Variants in TASP1 observed in about 807,000 individuals in gnomAD.
TASP1 encodes threonine aspartase 1.
In TASP1, 16 loss-of-function variants were observed where a neutral mutation model predicts 56.6. The ratio of observed to expected loss-of-function variants is 0.28; its 90% CI spans 0.19 to 0.43. The LOEUF (loss-of-function observed/expected upper bound fraction) is 0.43, where lower values mean the gene tolerates loss of function less well. TASP1 is among the 20% of genes least tolerant of loss of function. TASP1 has a pLI of 1.00. For missense variants in TASP1, 393 were observed against 511.6 expected (o/e 0.77, Z 2.24); for synonymous variants, 179 against 184.2 (o/e 0.97, Z 0.23).
chr20:13,559,798 T>C (rs1477023964), intron 7 of TASP1, among the ~76,000 whole-genome samples: 1 of 152,098 alleles, frequency 6.6e-6, no homozygotes, highest in African/African-American at 2.4e-5. Flanking sequence ...TGGCCTTAAC[T>C]TACCCAGACC....
At chr20:13,627,726 TTAG>T (rs1043672697) in intron 2 of TASP1, among the ~76,000 whole-genome samples, 4 of 80,072 alleles carry the variant, frequency 5.0e-5, no homozygotes, top group Non-Finnish European at 8.6e-5. Context: ...AGAGCGAAAC[TTAG>T]TCTTAAAAAA....
At chr20:13,493,920 G>T (rs942532342) in intron 10 of TASP1, among the ~76,000 whole-genome samples, 7 of 151,994 alleles carry the variant, frequency 4.6e-5, no homozygotes, top group African/African-American at 1.7e-4. Context: ...GAGCATCAGG[G>T]ACAAATGAAC....
At position 13,550,412 on chromosome 20, in the gene TASP1, T is replaced by C. The variant is rs1057366464; in HGVS notation, c.675+8596A>G. Reference sequence around the variant, plus strand: ...TCTACTGATTTACATGTAAAATCTGTAGGCTCATCCAGTAATCAAGATAGT... The same window carrying C: ...TCTACTGATTTACATGTAAAATCTGCAGGCTCATCCAGTAATCAAGATAGT... On this transcript the variant is annotated intron_variant, in intron 8 of 13. Coordinates refer to ENST00000337743, the MANE Select transcript of TASP1 (RefSeq NM_017714.3). Among the ~76,000 whole-genome samples the C allele has an allele frequency of 2.6e-5, 4 of 152,004 alleles. No individual in the cohort carries two copies. The East Asian group carries it at 5.8e-4, about 22-fold the overall frequency.
the TASP1 span, among the ~76,000 whole-genome samples, chr20:13,371,479 T>TATTA: frequency 6.6e-6 from 1 of 151,728 alleles, no homozygotes; most frequent in Non-Finnish European, 1.5e-5. Flanking sequence ...ATCTTTCTGT[T>TATTA]ACTTTTAATT....
chr20:13,534,240 TCTAAA>T, intron 8 of TASP1, 99 bp from the exon 9 acceptor site: 1 of 1,350,776 alleles, frequency 7.4e-7, no homozygotes, highest in Non-Finnish European at 9.8e-7. Flanking sequence ...CAGAACAAAA[TCTAAA>T]CTAATCCCTA....
At chr20:13,419,377 T>C (rs982796353) in intron 12 of TASP1, among the ~76,000 whole-genome samples, 5 of 152,172 alleles carry the variant, frequency 3.3e-5, no homozygotes, top group African/African-American at 1.2e-4. Flanking sequence ...AAAGGAATCA[T>C]GGTTGTCCCT....
intron 10 of TASP1, among the ~76,000 whole-genome samples, chr20:13,516,087 A>C (rs568561494): frequency 6.6e-6 from 1 of 152,290 alleles, no homozygotes; most frequent in South Asian, 2.1e-4. Context: ...TATATTTTTT[A>C]AAATAAATCT....
chr20:13,343,568 ACCCCCGCCCCGCCGCCCCCG>A, the TASP1 span, among the ~76,000 whole-genome samples: 21 of 98,488 alleles, frequency 2.1e-4, no homozygotes, highest in Non-Finnish European at 4.4e-4. Flanking sequence ...GGGCCGCCCC[ACCCCCGCCCCGCCGCCCCCG>A]CCCCCGCCCC....
chr20:13,627,988 GA>G (rs2048956860), intron 2 of TASP1, among the ~76,000 whole-genome samples: 1 of 152,118 alleles, frequency 6.6e-6, no homozygotes, highest in South Asian at 2.1e-4. Context: ...GTCTCCTACG[GA>G]AAATGTTACC....
At chr20:13,559,623 T>C (rs1422487518) in intron 7 of TASP1, among the ~76,000 whole-genome samples, 2 of 152,168 alleles carry the variant, frequency 1.3e-5, no homozygotes, top group African/African-American at 4.8e-5. Flanking sequence ...TGGTTCTAGA[T>C]GTAAAGAGGA....
At chr20:13,411,085 C>A (rs879301032) in intron 13 of TASP1, among the ~76,000 whole-genome samples, 1 of 152,068 alleles carries the variant, frequency 6.6e-6, no homozygotes, top group East Asian at 1.9e-4. Flanking sequence ...TTGAAGAGGG[C>A]GTCCCTTCCC....
At chr20:13,376,890 T>C in the TASP1 span, among the ~76,000 whole-genome samples, 8 of 152,336 alleles carry the variant, frequency 5.3e-5, no homozygotes, top group South Asian at 2.1e-4. Context: ...ATTATTGGTG[T>C]ATAGGAATGC....
the TASP1 span, among the ~76,000 whole-genome samples, chr20:13,141,884 G>C: frequency 6.6e-6 from 1 of 152,206 alleles, no homozygotes. Context: ...CTTTTTGTGT[G>C]TGTGGACCTA....
chr20:13,315,593 T>C, the TASP1 span, among the ~76,000 whole-genome samples: 20 of 151,942 alleles, frequency 1.3e-4, no homozygotes, highest in African/African-American at 4.8e-4. Context: ...TAGTTACAGA[T>C]TTCAATACCC....
intron 10 of TASP1, among the ~76,000 whole-genome samples, chr20:13,521,526 G>GC (rs1267135942): frequency 2.0e-5 from 3 of 151,118 alleles, no homozygotes; most frequent in Admixed American, 6.6e-5. Context: ...GCAAACTATC[G>GC]CAAGGACAAA....
chr20:13,372,365 G>A, the TASP1 span, among the ~76,000 whole-genome samples: 1 of 152,088 alleles, frequency 6.6e-6, no homozygotes, highest in African/African-American at 2.4e-5. Context: ...CTGGGTCTCT[G>A]TCTGCTGATC....
intron 8 of TASP1, among the ~76,000 whole-genome samples, chr20:13,537,192 T>C (rs2045450599): frequency 6.6e-6 from 1 of 152,168 alleles, no homozygotes; most frequent in Non-Finnish European, 1.5e-5. Flanking sequence ...TGTAGAAAGA[T>C]ACAAAAACTG....
the TASP1 span, among the ~76,000 whole-genome samples, chr20:13,364,330 G>A: frequency 6.6e-6 from 1 of 152,186 alleles, no homozygotes; most frequent in Non-Finnish European, 1.5e-5. Flanking sequence ...ATGTGCTGGT[G>A]TGGGAGCCTG....
At chr20:13,155,383 T>C in the TASP1 span, among the ~76,000 whole-genome samples, 5 of 152,188 alleles carry the variant, frequency 3.3e-5, no homozygotes, top group African/African-American at 1.2e-4. Context: ...GGCAGAGTAC[T>C]TGAAGTATTG....
Sources: gnomAD v4.1 joint callset for allele counts (sites outside exome capture counted in the v4.1 genomes callset) on GRCh38, gnomAD v4.1.1 for gene constraint, MANE v1.5 for transcripts, NCBI Gene and HGNC (gene_info 2026-07-23, HGNC 2026-07-21) for gene names.